PCDHA3: variants seen among roughly 807,000 people sequenced by gnomAD.
PCDHA3 encodes the protein protocadherin alpha-3.
PCDHA3 carries 41 observed loss-of-function variants against 62.2 expected under a neutral mutation model. That is an observed-to-expected ratio of 0.66 (90% confidence interval 0.51 to 0.86). PCDHA3 has a LOEUF of 0.86. PCDHA3 is among the 40% of genes least tolerant of loss of function. PCDHA3 has a pLI of 0.00. For missense variants in PCDHA3, 1,304 were observed against 1,241.2 expected (o/e 1.05, Z -0.76); for synonymous variants, 640 against 555.4 (o/e 1.15, Z -2.14).
At chr5:140,909,101 G>C (rs1242179195) in intron 1 of PCDHA3, among the ~76,000 whole-genome samples, 1 of 152,122 alleles carries the variant, frequency 6.6e-6, no homozygotes, top group Non-Finnish European at 1.5e-5. Flanking sequence ...CACTCACTGG[G>C]TCCAATCAGC....
intron 1 of PCDHA3, chr5:140,851,169 T>C: frequency 1.6e-6 from 2 of 1,280,288 alleles, no homozygotes; most frequent in Non-Finnish European, 2.0e-6. Flanking sequence ...TATGCTGCCA[T>C]AACACTTGAA....
chr5:141,006,296 C>G (rs2153987135), intron 3 of PCDHA3, among the ~76,000 whole-genome samples: 1 of 152,102 alleles, frequency 6.6e-6, no homozygotes, highest in East Asian at 1.9e-4. Context: ...ACTGCAAGCT[C>G]CACTTCCCGG....
chr5:141,010,096 A>G lies in PCDHA3; in HGVS notation c.*159A>G. The G allele has an allele frequency of 6.2e-7, 1 of 1,612,840 alleles. No individual in the cohort carries two copies. Among genetic ancestry groups the G allele is most frequent in the Non-Finnish European group, 8.5e-7 (1 of 1,179,378 alleles). ...CCTGTGTCTGTCTAGAACGCATTTA[A>G]CAGGTTTTGTCGTAAAAGCTTTACT... On this transcript the variant is annotated 3_prime_UTR_variant, in exon 4 of 4. Transcript: ENST00000522353.
intron 1 of PCDHA3, chr5:140,867,695 C>T (rs1283173997): frequency 6.6e-6 from 1 of 151,790 alleles, no homozygotes; most frequent in African/African-American, 2.4e-5. Context: ...TCTTTTTTTC[C>T]TCCTAAATCC....
chr5:140,915,008 T>C (rs1201776517), intron 1 of PCDHA3, among the ~76,000 whole-genome samples: 1 of 150,866 alleles, frequency 6.6e-6, no homozygotes, highest in Non-Finnish European at 1.5e-5. Context: ...TGCAGTGGCC[T>C]GATCTTGGCT....
intron 1 of PCDHA3, chr5:140,841,605 T>A: frequency 6.2e-7 from 1 of 1,614,126 alleles, no homozygotes; most frequent in Non-Finnish European, 8.5e-7. Context: ...CGCGAGGAGC[T>A]GTGCGGGCGG....
At chr5:140,896,398 A>T (rs1322743669) in intron 1 of PCDHA3, among the ~76,000 whole-genome samples, 3 of 151,946 alleles carry the variant, frequency 2.0e-5, no homozygotes, top group African/African-American at 7.3e-5. Context: ...AGCATCTGTT[A>T]TTTTTGACTT....
chr5:140,998,491 A>G (rs994652769), intron 3 of PCDHA3, among the ~76,000 whole-genome samples: 15 of 152,288 alleles, frequency 9.8e-5, no homozygotes, highest in African/African-American at 3.1e-4. Flanking sequence ...TAACTCTTTG[A>G]GAACAGGGTA....
intron 1 of PCDHA3, chr5:140,836,883 T>C (rs2150270944): frequency 6.1e-6 from 4 of 659,750 alleles, no homozygotes; most frequent in Non-Finnish European, 9.8e-6. Flanking sequence ...TTTGCACTAA[T>C]TATTTGGAAG....
intron 1 of PCDHA3, chr5:140,848,752 T>C (rs2040584005): frequency 1.3e-6 from 2 of 1,593,188 alleles, no homozygotes; most frequent in Non-Finnish European, 1.7e-6. Context: ...ATTTTGTTTG[T>C]GAATTCTCGG....
chr5:140,958,385 A>C (rs2095421525), intron 1 of PCDHA3, among the ~76,000 whole-genome samples: 1 of 152,206 alleles, frequency 6.6e-6, no homozygotes, highest in African/African-American at 2.4e-5. Flanking sequence ...TTTTCTTAAC[A>C]GGTCATCAAA....
At chr5:140,899,781 T>C (rs1187719719) in intron 1 of PCDHA3, among the ~76,000 whole-genome samples, 1 of 152,218 alleles carries the variant, frequency 6.6e-6, no homozygotes, top group Non-Finnish European at 1.5e-5. Context: ...TTACCTCTGG[T>C]ATAATTCGGC....
chr5:140,895,447 G>T (rs1188860605), intron 1 of PCDHA3, among the ~76,000 whole-genome samples: 1 of 152,060 alleles, frequency 6.6e-6, no homozygotes, highest in South Asian at 2.1e-4. Flanking sequence ...CTTTTCATGT[G>T]CTTATTGGTC....
chr5:140,868,490 A>C (rs1383994336), intron 1 of PCDHA3: 1 of 152,330 alleles, frequency 6.6e-6, no homozygotes, highest in African/African-American at 2.4e-5. Flanking sequence ...TTTTTCTTTG[A>C]GTTCCCTAGC....
rs2150243130 is a variant in PCDHA3 at position 140,835,724 on chromosome 5, C to G, written c.2394+32133C>G. The stretch of plus-strand genomic sequence containing the variant: ...CTAGCGTGTCCGTGGAGGTGGCCGA[C>G]GTGAACGACAACGCCCCGGCGTTCG... On this transcript the variant is annotated intron_variant, in intron 1 of 3. Coordinates refer to ENST00000522353, the MANE Select transcript of PCDHA3 (RefSeq NM_018906.3). 7 of 1,613,752 alleles carry G rather than the reference C, an allele frequency of 4.3e-6. No homozygotes were observed. The highest frequency in any genetic ancestry group is 2.2e-5 in the South Asian group (2 of 91,080).
At position 140,803,377 on chromosome 5, in the gene PCDHA3, C is replaced by T. The variant is rs782056345; in HGVS notation, c.2180C>T (p.Pro727Leu). The stretch of plus-strand genomic sequence containing the variant: ...ACTGCTCTGCGGTGCTCCGCGCCGC[C>T]AACCGAAGGCGACTGTGGGCCGGGC... ...LYTALRCSAP[P>L]TEGDCGPGKP... is the part of the protein sequence containing the mutation. The change falls in exon 1 of 4, where the codon CCA becomes CTA. Residue 727 changes from proline (P) to leucine (L), a missense_variant. Transcript: ENST00000522353. 1 of 1,614,098 alleles carries T rather than the reference C, an allele frequency of 6.2e-7. No homozygotes were observed. Among genetic ancestry groups the T allele is most frequent in the African/African-American group, 1.3e-5 (1 of 74,940 alleles).
rs573341314 is a variant in PCDHA3 at position 140,807,798 on chromosome 5, A to C, written c.2394+4207A>C. 247 of 1,614,158 alleles carry C rather than the reference A, an allele frequency of 1.5e-4. 1 individual carries two copies. In the South Asian group the frequency reaches 2.7e-3, roughly 17 times the overall value. ...TTACGGAAATCTTTAGACAGAGAAG[A>C]AGCTCCGGAGATTTTTTTAGTGCTC... On this transcript the variant is annotated intron_variant, in intron 1 of 3. Coordinates refer to ENST00000522353, the MANE Select transcript of PCDHA3 (RefSeq NM_018906.3).
intron 1 of PCDHA3, among the ~76,000 whole-genome samples, chr5:140,932,100 CTG>C (rs2088033860): frequency 6.6e-6 from 1 of 151,792 alleles, no homozygotes; most frequent in African/African-American, 2.4e-5. Context: ...GTTTTTATCT[CTG>C]TATTTCCAAT....
intron 1 of PCDHA3, among the ~76,000 whole-genome samples, chr5:140,945,682 G>GT (rs1325077083): frequency 6.6e-6 from 1 of 152,010 alleles, no homozygotes; most frequent in African/African-American, 2.4e-5. Context: ...AATCCACACA[G>GT]TTACTGTCCA....
Sources: allele counts gnomAD v4.1 joint callset (sites outside exome capture counted in the v4.1 genomes callset), GRCh38; gene constraint gnomAD v4.1.1; transcripts MANE v1.5; gene names NCBI Gene and HGNC (gene_info 2026-07-23, HGNC 2026-07-21).